Variants in SUPT5H observed in about 807,000 individuals in gnomAD.
SUPT5H encodes the protein transcription elongation factor SPT5.
In SUPT5H, 24 loss-of-function variants were observed where a neutral mutation model predicts 142.5. The ratio of observed to expected loss-of-function variants is 0.17; its 90% confidence interval spans 0.12 to 0.24. The LOEUF is 0.24. SUPT5H is among the 10% of genes least tolerant of loss of function. SUPT5H has a pLI of 1.00. For synonymous variants in SUPT5H, 546 were observed against 553.0 expected, an observed-to-expected ratio of 0.99 and a Z score of 0.18; for missense variants, 893 against 1,471.8, an observed-to-expected ratio of 0.61 and a Z score of 6.43.
At chr19:39,446,037 AG>A (rs1464277110) in intron 2 of SUPT5H, 72 bp downstream of exon 2, 9 of 1,510,572 alleles carry the variant, frequency 6.0e-6, no homozygotes, top group Non-Finnish European at 8.1e-6. Context: ...CCCCTGTGGG[AG>A]GCTCGAGGGG....
In SUPT5H at chr19:39,474,763, G is replaced by C. The variant is rs1186533111; in HGVS notation, c.3024+45G>C. The C allele has an allele frequency of 6.4e-7, 1 of 1,559,850 alleles. No homozygotes were observed. The highest frequency in any genetic ancestry group is 8.7e-7 in the Non-Finnish European group (1 of 1,150,460). ...GTGGGTGAGCAGGCATCCTCTCCTT[G>C]GTACCCCCTAAACTGGAGACAGACC... is the stretch of plus-strand genomic sequence containing the variant. On this transcript the variant is annotated intron_variant, in intron 28 of 29. Transcript: ENST00000432763. This position sits in a 1 kb window ranked among gnomAD's most constrained non-coding sequence, Gnocchi z 6.5.
At chr19:39,475,406 A>AAAG in intron 28 of SUPT5H, among the ~76,000 whole-genome samples, 1 of 150,698 alleles carries the variant, frequency 6.6e-6, no homozygotes, top group South Asian at 2.1e-4. Context: ...AAAAAAAAAA[A>AAAG]TGGTGAGTGA....
intron 8 of SUPT5H, 130 bp from the exon 9 acceptor site, chr19:39,459,429 C>A: frequency 7.3e-7 from 1 of 1,363,932 alleles, no homozygotes. Flanking sequence ...TGGGTAGAAG[C>A]GTGGGGAAGT....
At chr19:39,450,343 G>A (rs1461488476) in intron 2 of SUPT5H, among the ~76,000 whole-genome samples, 3 of 151,762 alleles carry the variant, frequency 2.0e-5, no homozygotes, top group Non-Finnish European at 4.4e-5. Flanking sequence ...TGGCACAATC[G>A]CGGCTCACTG....
rs1431730233 is a variant in SUPT5H, at chr19:39,473,475, G to T, written c.2446G>T (p.Ala816Ser). 2 of 1,612,736 alleles carry T rather than the reference G, an allele frequency of 1.2e-6. No individual in the cohort carries two copies. Among genetic ancestry groups the T allele is most frequent in the Admixed American group, 1.7e-5 (1 of 59,998 alleles). ...CCTGCATGATGGCAGCCGCACTCCT[G>T]CCCAGAGTGGGGCCTGGGACCCCAA... The part of the protein sequence containing the change: ...TPLHDGSRTP[A>S]QSGAWDPNNP... Residue 816 changes from alanine to serine, a missense_variant, in exon 25 of 30, where the codon GCC (alanine) becomes TCC (serine). By Grantham distance (99) the Ala-to-Ser change is moderately conservative. Coordinates refer to ENST00000432763, the MANE Select transcript of SUPT5H (RefSeq NM_001111020.3). The surrounding 1 kb of genome is among the most constrained non-coding windows in gnomAD (Gnocchi z 5.8).
At chr19:39,446,783 G>A (rs112410987) in intron 2 of SUPT5H, among the ~76,000 whole-genome samples, 2,088 of 152,304 alleles carry the variant, frequency 0.014, 34 homozygotes, top group Non-Finnish European at 0.023. Flanking sequence ...CAAGACAGTG[G>A]ATCACCTGAG....
At chr19:39,459,423 T>C in intron 8 of SUPT5H, 136 bp from the exon 9 acceptor site, 7 of 1,351,780 alleles carry the variant, frequency 5.2e-6, no homozygotes, top group Non-Finnish European at 7.3e-6. Flanking sequence ...TGCTCCTGGG[T>C]AGAAGCGTGG....
chr19:39,456,650 C>T (rs192702275), intron 3 of SUPT5H, among the ~76,000 whole-genome samples: 2 of 151,994 alleles, frequency 1.3e-5, no homozygotes, highest in Non-Finnish European at 2.9e-5. Context: ...GAGCTCCTGT[C>T]CTCATGATCC....
At chr19:39,449,906 C>G (rs1287844843) in intron 2 of SUPT5H, among the ~76,000 whole-genome samples, 3 of 149,426 alleles carry the variant, frequency 2.0e-5, no homozygotes, top group African/African-American at 7.4e-5. Context: ...TCCCAAAGTG[C>G]TGGGATTACA....
rs180860273 is a variant in SUPT5H at position 39,459,476 on chromosome 19, G to A, written c.525-83G>A. On this transcript the variant is annotated intron_variant, in intron 8 of 29. Coordinates refer to ENST00000432763, the MANE Select transcript of SUPT5H (RefSeq NM_001111020.3). Reference sequence around the variant, plus strand: ...AGGGAACCTGGATGTGAAACCAGAGGAAGGGGGTGGCCCTGGGGGTTCGTC... The same window carrying A: ...AGGGAACCTGGATGTGAAACCAGAGAAAGGGGGTGGCCCTGGGGGTTCGTC... The A allele has an allele frequency of 8.7e-3, 13,522 of 1,550,934 alleles. 129 individuals carry two copies. The highest frequency in any genetic ancestry group is 0.033 in the Middle Eastern group (196 of 5,880).
chr19:39,447,544 G>C (rs960410037), intron 2 of SUPT5H, among the ~76,000 whole-genome samples: 2 of 146,114 alleles, frequency 1.4e-5, no homozygotes, highest in Non-Finnish European at 3.0e-5. Context: ...TCAGCCTCCC[G>C]AGTAGCTGGG....
chr19:39,460,176 T>G (rs1051688405), intron 10 of SUPT5H: 7 of 566,434 alleles, frequency 1.2e-5, no homozygotes, highest in Non-Finnish European at 1.9e-5. Flanking sequence ...TGGCAGGGTC[T>G]TCCCACCCTT....
chr19:39,459,440 CAG>C, intron 8 of SUPT5H, 117 bp from the exon 9 acceptor site: 2 of 1,414,828 alleles, frequency 1.4e-6, no homozygotes, highest in South Asian at 1.2e-5. Flanking sequence ...GTGGGGAAGT[CAG>C]TGAGTGTGAG....
intron 8 of SUPT5H, 138 bp from the exon 9 acceptor site, chr19:39,459,421 G>C (rs2079132837): frequency 1.5e-6 from 2 of 1,348,724 alleles, no homozygotes; most frequent in Admixed American, 1.8e-5. Context: ...CTTGCTCCTG[G>C]GTAGAAGCGT....
chr19:39,473,219 G>T lies in SUPT5H; in HGVS notation c.2275G>T (p.Gly759Cys). ...RLTTVGSRRP[G>C]GMTSTYGRTP... The stretch of plus-strand genomic sequence containing the variant: ...CGTCCCCAGGGGCTCACGGCGCCCG[G>T]GCGGCATGACCTCGACCTATGGGAG... Residue 759 changes from glycine to cysteine, a missense_variant, in exon 24 of 30, where the codon GGC (glycine) becomes TGC (cysteine). Around this residue, in one of 6 missense-constraint regions of SUPT5H, gnomAD observed 336 missense variants for 546.5 expected, o/e 0.61. Coordinates refer to ENST00000432763, the MANE Select transcript of SUPT5H (RefSeq NM_001111020.3). This position sits in a 1 kb window ranked among gnomAD's most constrained non-coding sequence, Gnocchi z 5.8. 1 of 1,612,884 alleles carries T rather than the reference G, an allele frequency of 6.2e-7. No homozygotes were observed. The highest frequency in any genetic ancestry group is 8.5e-7 in the Non-Finnish European group (1 of 1,179,942).
At chr19:39,453,740 A>G (rs531120432) in intron 3 of SUPT5H, among the ~76,000 whole-genome samples, 19 of 152,054 alleles carry the variant, frequency 1.2e-4, no homozygotes, top group Non-Finnish European at 2.5e-4. Context: ...AATTTTTTCT[A>G]TTTTTTAGTG....
intron 10 of SUPT5H, among the ~76,000 whole-genome samples, chr19:39,462,310 C>T (rs2079173419): frequency 6.6e-6 from 1 of 152,042 alleles, no homozygotes; most frequent in Admixed American, 6.6e-5. Context: ...TTTCATTATC[C>T]CAAAAATAAA....
chr19:39,457,436 G>T (rs1290913752), intron 3 of SUPT5H, among the ~76,000 whole-genome samples: 1 of 152,204 alleles, frequency 6.6e-6, no homozygotes, highest in African/African-American at 2.4e-5. Context: ...GGATTTGGGA[G>T]TGGAGTAAGG....
Position 39,472,835 on chromosome 19 carries a change from A to G in SUPT5H, c.2061A>G (p.Pro687=), listed in dbSNP as rs979345393. Residue 687 remains proline, a synonymous_variant, in exon 22 of 30, where the codon CCA becomes CCG. Coordinates refer to ENST00000432763, the MANE Select transcript of SUPT5H (RefSeq NM_001111020.3). This position sits in a 1 kb window ranked among gnomAD's most constrained non-coding sequence, Gnocchi z 4.2. ...AGGQRGGFGS[P]GGGSGGMSRG... ...GTCAGCGTGGCGGCTTTGGTAGCCC[A>G]GGTGGCGGCAGTGGTGGCATGAGCA... 6.2e-7 allele frequency: 1 copy of G among 1,613,494 alleles called. No homozygotes were observed. The highest frequency in any genetic ancestry group is 1.3e-5 in the African/African-American group (1 of 75,050).
Sources: allele counts gnomAD v4.1 joint callset (sites outside exome capture counted in the v4.1 genomes callset), GRCh38; gene constraint gnomAD v4.1.1; regional missense constraint gnomAD v4.1.1; non-coding constraint Gnocchi (gnomAD v3.1); transcripts MANE v1.5; gene names NCBI Gene and HGNC (gene_info 2026-07-23, HGNC 2026-07-21).